The following C1QTNF3 variants were observed in gnomAD, a reference collection of about 807,000 sequenced individuals.
C1QTNF3 encodes complement C1q tumor necrosis factor-related protein 3.
Under a neutral mutation model 32.6 loss-of-function variants are expected in C1QTNF3, and 26 were observed. The observed-to-expected ratio is 0.80, with a 90% CI of 0.58 to 1.11. The LOEUF (loss-of-function observed/expected upper bound fraction) is 1.11. Ranked by LOEUF, C1QTNF3 falls within the 50% of genes least tolerant of loss-of-function variation. The probability of loss-of-function intolerance (pLI) is 0.00; values close to 1 mark genes in which losing one functional copy is unlikely to be tolerated. For missense variants in C1QTNF3, 362 were observed against 398.2 expected (o/e 0.91, Z 0.77); for synonymous variants, 155 against 146.0 (o/e 1.06, Z -0.44).
the C1QTNF3 span, among the ~76,000 whole-genome samples, chr5:34,174,064 AAAACATATCTT>A: frequency 1.3e-5 from 2 of 152,194 alleles, no homozygotes; most frequent in Non-Finnish European, 2.9e-5. Context: ...TCAGGTTTAC[AAAACATATCTT>A]GAGCCACCAC....
chr5:34,232,873 C>T, the C1QTNF3 span, among the ~76,000 whole-genome samples: 1 of 151,460 alleles, frequency 6.6e-6, no homozygotes, highest in African/African-American at 2.4e-5. Flanking sequence ...AATCGGACTG[C>T]TTATAATTGT....
the C1QTNF3 span, among the ~76,000 whole-genome samples, chr5:34,160,324 G>C: frequency 6.6e-6 from 1 of 152,088 alleles, no homozygotes; most frequent in Admixed American, 6.5e-5. Context: ...TTTCCACAAG[G>C]CCTCAAAAGG....
the C1QTNF3 span, among the ~76,000 whole-genome samples, chr5:34,236,275 C>T: frequency 7.9e-5 from 12 of 151,844 alleles, no homozygotes. Flanking sequence ...GCCTGTAGTG[C>T]CTGTACTCGG....
At chr5:34,036,903 G>T (rs765381317) in intron 1 of C1QTNF3, among the ~76,000 whole-genome samples, 55 of 151,994 alleles carry the variant, frequency 3.6e-4, no homozygotes, top group Non-Finnish European at 5.1e-4. Flanking sequence ...AGTGAGCTGA[G>T]ATAGCACCAT....
chr5:34,057,522 A>C, the C1QTNF3 span, among the ~76,000 whole-genome samples: 2 of 152,234 alleles, frequency 1.3e-5, no homozygotes, highest in Non-Finnish European at 2.9e-5. Context: ...GGCTATCTCT[A>C]AGACATTTCT....
At chr5:34,202,657 T>G in the C1QTNF3 span, among the ~76,000 whole-genome samples, 1 of 152,052 alleles carries the variant, frequency 6.6e-6, no homozygotes, top group Non-Finnish European at 1.5e-5. Context: ...TATGCTTATG[T>G]TAATTGATAT....
chr5:34,146,171 A>T, the C1QTNF3 span, among the ~76,000 whole-genome samples: 2 of 152,240 alleles, frequency 1.3e-5, no homozygotes, highest in Admixed American at 1.3e-4. Flanking sequence ...AGTGAAAGAA[A>T]GAAATGAAAG....
the C1QTNF3 span, among the ~76,000 whole-genome samples, chr5:34,177,756 G>C: frequency 6.6e-6 from 1 of 151,580 alleles, no homozygotes; most frequent in Admixed American, 6.6e-5. Context: ...CAAAGTGCTG[G>C]GATTACAGGC....
the C1QTNF3 span, among the ~76,000 whole-genome samples, chr5:34,207,865 G>C: frequency 6.6e-6 from 1 of 151,230 alleles, no homozygotes; most frequent in African/African-American, 2.4e-5. Flanking sequence ...TCAGCTTACT[G>C]CAAACTCCGC....
At chr5:34,127,404 T>G in the C1QTNF3 span, among the ~76,000 whole-genome samples, 1 of 151,770 alleles carries the variant, frequency 6.6e-6, no homozygotes, top group Non-Finnish European at 1.5e-5. Flanking sequence ...ATGAGGAACT[T>G]ATTGTGAACT....
chr5:34,027,588 C>T (rs1754495705), intron 4 of C1QTNF3, among the ~76,000 whole-genome samples: 1 of 151,992 alleles, frequency 6.6e-6, no homozygotes, highest in South Asian at 2.1e-4. Context: ...GTCCCAGCTA[C>T]TCAGGAGGCT....
At chr5:34,215,878 C>T in the C1QTNF3 span, among the ~76,000 whole-genome samples, 2 of 152,170 alleles carry the variant, frequency 1.3e-5, no homozygotes, top group African/African-American at 4.8e-5. Context: ...AGCAATCCTC[C>T]CACCTTGGCC....
At chr5:34,124,384 G>A in the C1QTNF3 span, 8 of 711,626 alleles carry the variant, frequency 1.1e-5, no homozygotes, top group Admixed American at 2.0e-5. Flanking sequence ...ATTGGCTCAC[G>A]GTTCTGCAGG....
chr5:34,205,410 A>C, the C1QTNF3 span, among the ~76,000 whole-genome samples: 3 of 152,148 alleles, frequency 2.0e-5, no homozygotes, highest in Non-Finnish European at 4.4e-5. Context: ...GGAGGGGTCT[A>C]GTGGGAGGGG....
chr5:34,089,673 A>G, the C1QTNF3 span, among the ~76,000 whole-genome samples: 1 of 152,242 alleles, frequency 6.6e-6, no homozygotes, highest in East Asian at 1.9e-4. Flanking sequence ...ACTAAAACAG[A>G]CTTACATAAA....
chr5:34,226,907 A>G, the C1QTNF3 span, among the ~76,000 whole-genome samples: 4 of 151,590 alleles, frequency 2.6e-5, no homozygotes, highest in African/African-American at 9.7e-5. Context: ...TGTGTTTACA[A>G]GATGGATCCT....
chr5:34,134,173 A>G, the C1QTNF3 span, among the ~76,000 whole-genome samples: 1 of 152,210 alleles, frequency 6.6e-6, no homozygotes, highest in African/African-American at 2.4e-5. Flanking sequence ...CATACCTTAG[A>G]GTATCAACAC....
At chr5:34,073,453 T>C in the C1QTNF3 span, among the ~76,000 whole-genome samples, 3 of 152,076 alleles carry the variant, frequency 2.0e-5, no homozygotes, top group Non-Finnish European at 4.4e-5. Flanking sequence ...AATAAAAACA[T>C]AGTAATTAAG....
At chr5:34,210,378 A>G in the C1QTNF3 span, among the ~76,000 whole-genome samples, 1 of 152,032 alleles carries the variant, frequency 6.6e-6, no homozygotes, top group Non-Finnish European at 1.5e-5. Flanking sequence ...GACCTAGACA[A>G]GTTTATTTAT....
Sources: allele counts gnomAD v4.1 joint callset (sites outside exome capture counted in the v4.1 genomes callset), GRCh38; gene constraint gnomAD v4.1.1; transcripts MANE v1.5; gene names NCBI Gene and HGNC (gene_info 2026-07-23, HGNC 2026-07-21).